ZSCAN29: variants seen among roughly 807,000 people sequenced by gnomAD.
The protein encoded by ZSCAN29 is zinc finger and SCAN domain containing 29.
ZSCAN29 carries 55 observed loss-of-function variants against 71.9 expected under a neutral mutation model. The observed-to-expected ratio is 0.76, with a 90% CI of 0.62 to 0.96. ZSCAN29 has a LOEUF of 0.96. Ranked by LOEUF, ZSCAN29 falls within the 40% of genes least tolerant of loss-of-function variation. ZSCAN29 has a pLI of 0.00. For missense variants in ZSCAN29, 1,042 were observed against 1,042.2 expected (o/e 1.00, Z 0.00); for synonymous variants, 351 against 371.6 (o/e 0.94, Z 0.64).
chr15:43,364,607 G>T, intron 4 of ZSCAN29: 1 of 602,786 alleles, frequency 1.7e-6, no homozygotes, highest in Non-Finnish European at 3.0e-6. Flanking sequence ...ATTCTGTTTA[G>T]CCATATAAAA....
At chr15:43,367,063 A>G (rs1038879335) in intron 3 of ZSCAN29, among the ~76,000 whole-genome samples, 1 of 152,216 alleles carries the variant, frequency 6.6e-6, no homozygotes, top group Admixed American at 6.5e-5. Context: ...AGATAATTCT[A>G]TTCCAAGCTC....
intron 5 of ZSCAN29, 43 bp from the exon 6 acceptor site, chr15:43,361,984 C>T (rs6493085): frequency 0.16 from 242,886 of 1,554,526 alleles, 30,550 homozygotes; most frequent in African/African-American, 0.6. Flanking sequence ...TTTTCTTAAT[C>T]ATATGTGCCA....
rs139569236 is a variant in ZSCAN29, at chr15:43,366,568, G to A, written c.764C>T (p.Thr255Met). 2.5e-5 allele frequency: 41 copies of A among 1,614,198 alleles called. No homozygotes were observed. In the African/African-American group the frequency reaches 4.4e-4, roughly 17 times the overall value. Residue 255 changes from threonine (T) to methionine (M), a missense_variant, in exon 4 of 6, where the codon ACG (threonine) becomes ATG (methionine). Thr to Met is a moderately conservative substitution (Grantham distance 81, BLOSUM62 -1). Coordinates refer to ENST00000684362, the MANE Select transcript of ZSCAN29 (RefSeq NM_001372080.1). ...GVHWGYEETR[T>M]LLAILSQTEF... The stretch of plus-strand genomic sequence containing the variant: ...AGTCTGGCTGAGAATTGCGAGGAGC[G>A]TTCTGGTCTCTTCATAGCCCCAGTG...
At position 43,370,962 on chromosome 15, in the gene ZSCAN29, G is replaced by T; in HGVS notation, c.-517C>A. The T allele has an allele frequency of 3.6e-6, 1 of 281,680 alleles. No homozygotes were observed. The highest frequency in any genetic ancestry group is 6.7e-6 in the Non-Finnish European group (1 of 149,344). 17.4% of individuals were successfully genotyped at this position (281,680 alleles called of 1,614,324 possible). A position where few individuals can be genotyped will look rare whatever the true frequency, so the allele number is the denominator to read the frequency against. ...CCTCCGGGCCAGCCTCACCCACTCGGGGTCCGACCCTGACCCCGGCCCCGG... is the reference window on the plus strand; with the variant it reads ...CCTCCGGGCCAGCCTCACCCACTCGTGGTCCGACCCTGACCCCGGCCCCGG... On this transcript the variant is annotated 5_prime_UTR_variant, in exon 1 of 6. Transcript: ENST00000684362.
chr15:43,369,537 T>G (rs2142740043), intron 2 of ZSCAN29, 59 bp downstream of exon 2: 5 of 1,535,178 alleles, frequency 3.3e-6, no homozygotes, highest in Non-Finnish European at 4.4e-6. Context: ...GTCTATATCT[T>G]AATTTAGCCC....
chr15:43,361,293 T>C lies in ZSCAN29; in HGVS notation c.2339A>G (p.His780Arg), dbSNP rs376118926. Reference sequence around the variant, plus strand: ...TCTCTCTCCTGTGTGTATCCTCCGATGTGCACTAAAATGAGAACTGTTATT... The same window carrying C: ...TCTCTCTCCTGTGTGTATCCTCCGACGTGCACTAAAATGAGAACTGTTATT... ...SFNNSSHFSA[H>R]RRIHTGERPH... Residue 780 changes from histidine (H) to arginine (R), a missense_variant, in exon 6 of 6, where the codon CAT (histidine) becomes CGT (arginine). His to Arg is a conservative substitution (Grantham distance 29). Transcript: ENST00000684362. 11 of 1,614,102 alleles carry C rather than the reference T, an allele frequency of 6.8e-6. No homozygotes were observed. The highest frequency in any genetic ancestry group is 3.3e-5 in the South Asian group (3 of 91,084).
rs1293543839 is a variant in ZSCAN29 at position 43,364,062 on chromosome 15, G to A, written c.1543C>T (p.Gln515Ter). ...TGAGCTTCAGCCTCACTGGTCCCCT[G>A]GACGGGGCAAGAAGCAGTCTCTTCC... ...GQEETASCPV[Q>*]GTSEAEAQKQ... The change falls in exon 5 of 6, where the codon CAG (glutamine) becomes TAG (stop). Residue 515 changes from glutamine (Q) to a stop codon, truncating the protein, a stop_gained. Coordinates refer to ENST00000684362, the MANE Select transcript of ZSCAN29 (RefSeq NM_001372080.1). LOFTEE classifies it high-confidence loss of function. The A allele has an allele frequency of 6.2e-7, 1 of 1,614,026 alleles. No homozygotes were observed. The highest frequency in any genetic ancestry group is 8.5e-7 in the Non-Finnish European group (1 of 1,180,036).
rs1373630465 is a variant in ZSCAN29, at chr15:43,363,954, C to T, written c.1651G>A (p.Val551Ile). ...EEDTEIPPGAVITRAPVLFQS... is the reference protein window; with the variant it reads ...EEDTEIPPGAIITRAPVLFQS... ...AATAACACTGGAGCACGGGTTATGA[C>T]AGCCCCTGGGGGTATCTCAGTATCC... Residue 551 changes from valine (V) to isoleucine (I), a missense_variant, in exon 5 of 6, where the codon GTC becomes ATC. Transcript: ENST00000684362. The T allele has an allele frequency of 6.2e-7, 1 of 1,612,502 alleles. No homozygotes were observed. The highest frequency in any genetic ancestry group is 1.7e-5 in the Admixed American group (1 of 59,902).
rs1048981716 is a variant in ZSCAN29, at chr15:43,358,330, G to A, written c.*2743C>T. 2 of 152,278 alleles carry A rather than the reference G, an allele frequency of 1.3e-5. No individual in the cohort carries two copies. Among genetic ancestry groups the A allele is most frequent in the African/African-American group, 2.4e-5 (1 of 41,336 alleles). The allele number at this position is 152,278 out of a possible 1,614,324, so 9.4% of individuals were successfully genotyped here. A position where few individuals can be genotyped will look rare whatever the true frequency, so the allele number is the denominator to read the frequency against. On this transcript the variant is annotated 3_prime_UTR_variant, in exon 6 of 6. Coordinates refer to ENST00000684362, the MANE Select transcript of ZSCAN29 (RefSeq NM_001372080.1). ...ATACCACAACCAATGCTTTTCCCAC[G>A]AGACTATACATAGATATACTAAAGA...
chr15:43,361,488 A>G lies in ZSCAN29; in HGVS notation c.2144T>C (p.Phe715Ser). 1 of 1,613,604 alleles carries G rather than the reference A, an allele frequency of 6.2e-7. No individual in the cohort carries two copies. The highest frequency in any genetic ancestry group is 8.5e-7 in the Non-Finnish European group (1 of 1,179,484). Residue 715 changes from phenylalanine to serine, a missense_variant, in exon 6 of 6, where the codon TTC becomes TCC. Transcript: ENST00000684362. ...PYKCLDCGKS[F>S]RDSSNFITHR... ...GGTGATGAAATTTGAACTGTCACGG[A>G]AACTTTTTCCACAGTCAAGACATTT... is the stretch of plus-strand genomic sequence containing the variant.
Position 43,364,369 on chromosome 15 carries a change from G to GTACA in ZSCAN29, c.1235_1236insTGTA (p.Tyr413ValfsTer3). ...CAAGGTAAGTCTTGGTCTCTTCATA[G>GTACA]CCCCAGTGTACACCTGCCACCAGAA... On this transcript the variant is annotated frameshift_variant, in exon 5 of 6. Coordinates refer to ENST00000684362, the MANE Select transcript of ZSCAN29 (RefSeq NM_001372080.1). LOFTEE classifies it high-confidence loss of function. 6.2e-7 allele frequency: 1 copy of GTACA among 1,613,718 alleles called. No individual in the cohort carries two copies.
At chr15:43,363,325 A>G (rs2044001665) in intron 5 of ZSCAN29, among the ~76,000 whole-genome samples, 1 of 152,224 alleles carries the variant, frequency 6.6e-6, no homozygotes, top group African/African-American at 2.4e-5. Context: ...AACAGAGCCC[A>G]GATTCACATA....
chr15:43,364,924 A>G (rs1689996532), intron 4 of ZSCAN29, among the ~76,000 whole-genome samples: 1 of 151,776 alleles, frequency 6.6e-6, no homozygotes. Flanking sequence ...AAGTGAAAGA[A>G]CAATGATAAT....
chr15:43,368,282 T>C (rs1186172078), intron 3 of ZSCAN29, among the ~76,000 whole-genome samples: 2 of 53,220 alleles, frequency 3.8e-5, no homozygotes, highest in South Asian at 1.2e-3. Flanking sequence ...TCCCAGCACT[T>C]TGGGAGGCCG....
chr15:43,364,389 C>T lies in ZSCAN29; in HGVS notation c.1223-7G>A. The T allele has an allele frequency of 6.2e-7, 1 of 1,612,082 alleles. No individual in the cohort carries two copies. The highest frequency in any genetic ancestry group is 8.5e-7 in the Non-Finnish European group (1 of 1,179,424). On this transcript the variant is annotated splice_polypyrimidine_tract_variant and splice_region_variant and intron_variant, in intron 4 of 5. Coordinates refer to ENST00000684362, the MANE Select transcript of ZSCAN29 (RefSeq NM_001372080.1). ...TCATAGCCCCAGTGTACACCTGCCA[C>T]CAGAAGAGAAATTTCAGCACCACTT...
At position 43,363,965 on chromosome 15, in the gene ZSCAN29, G is replaced by A. The variant is rs201083890; in HGVS notation, c.1640C>T (p.Pro547Leu). ...AGCACGGGTTATGACAGCCCCTGGG[G>A]GTATCTCAGTATCCTCTTCATCATC... ...SDDDEEDTEI[P>L]PGAVITRAPV... The change falls in exon 5 of 6, where the codon CCC becomes CTC. Residue 547 changes from proline to leucine, a missense_variant. Coordinates refer to ENST00000684362, the MANE Select transcript of ZSCAN29 (RefSeq NM_001372080.1). 5 of 1,613,908 alleles carry A rather than the reference G, an allele frequency of 3.1e-6. No homozygotes were observed. Among genetic ancestry groups the A allele is most frequent in the Middle Eastern group, 1.6e-4 (1 of 6,082 alleles).
At chr15:43,364,938 A>G (rs1048910864) in intron 4 of ZSCAN29, among the ~76,000 whole-genome samples, 4 of 151,962 alleles carry the variant, frequency 2.6e-5, no homozygotes, top group African/African-American at 9.7e-5. Flanking sequence ...TGATAATGAA[A>G]ATAACATTGA....
chr15:43,363,977 T>TCCTC lies in ZSCAN29; in HGVS notation c.1624_1627dup (p.Asp543GlyfsTer4). On this transcript the variant is annotated frameshift_variant, in exon 5 of 6. Coordinates refer to ENST00000684362, the MANE Select transcript of ZSCAN29 (RefSeq NM_001372080.1). LOFTEE classifies it high-confidence loss of function. The stretch of plus-strand genomic sequence containing the variant: ...GACAGCCCCTGGGGGTATCTCAGTA[T>TCCTC]CCTCTTCATCATCATCAGAATCTTC... 6.2e-7 allele frequency: 1 copy of TCCTC among 1,614,200 alleles called. No homozygotes were observed. Among genetic ancestry groups the TCCTC allele is most frequent in the Non-Finnish European group, 8.5e-7 (1 of 1,180,028 alleles).
At chr15:43,367,629 T>C (rs1265927938) in intron 3 of ZSCAN29, among the ~76,000 whole-genome samples, 2 of 152,202 alleles carry the variant, frequency 1.3e-5, no homozygotes, top group Non-Finnish European at 2.9e-5. Flanking sequence ...TCAGTTCAGT[T>C]CAGTTCGGCA....
Sources: gnomAD v4.1 joint callset for allele counts (sites outside exome capture counted in the v4.1 genomes callset) on GRCh38, gnomAD v4.1.1 for gene constraint, MANE v1.5 for transcripts, NCBI Gene and HGNC (gene_info 2026-07-23, HGNC 2026-07-21) for gene names.